Variants in WDPCP observed in about 807,000 individuals in gnomAD.
WDPCP encodes the protein WD repeat-containing and planar cell polarity effector protein fritz homolog.
A neutral mutation model predicts 93.1 loss-of-function variants in WDPCP; 71 were observed. The ratio of observed to expected loss-of-function variants is 0.76; its 90% confidence interval spans 0.63 to 0.93. WDPCP has a LOEUF of 0.93. WDPCP is among the 40% of genes least tolerant of loss of function. The pLI is 0.00. For synonymous variants in WDPCP, 315 were observed against 315.0 expected (o/e 1.00, Z 0.00); for missense variants, 844 against 887.4 (o/e 0.95, Z 0.62).
intron 2 of WDPCP, among the ~76,000 whole-genome samples, chr2:63,776,272 A>G (rs1183625375): frequency 6.6e-6 from 1 of 152,114 alleles, no homozygotes; most frequent in African/African-American, 2.4e-5. Context: ...TATCCAGAAT[A>G]CATGAAGAAC....
intron 12 of WDPCP, among the ~76,000 whole-genome samples, chr2:63,318,792 GA>G (rs1346748355): frequency 6.6e-6 from 1 of 152,040 alleles, no homozygotes; most frequent in Non-Finnish European, 1.5e-5. Flanking sequence ...AGGGTGAATT[GA>G]AAAAGTACCT....
At chr2:63,422,244 C>T (rs1575389465) in intron 9 of WDPCP, among the ~76,000 whole-genome samples, 1 of 152,160 alleles carries the variant, frequency 6.6e-6, no homozygotes, top group East Asian at 1.9e-4. Flanking sequence ...AGAGAAGCTA[C>T]CCAAGACTGC....
chr2:63,613,981 A>G (rs1400547923), intron 3 of WDPCP, among the ~76,000 whole-genome samples: 1 of 152,180 alleles, frequency 6.6e-6, no homozygotes, highest in Non-Finnish European at 1.5e-5. Flanking sequence ...CTTTTTATTC[A>G]TTTTTCTGAG....
chr2:63,757,905 A>G (rs904252646), intron 2 of WDPCP, among the ~76,000 whole-genome samples: 6 of 152,194 alleles, frequency 3.9e-5, no homozygotes, highest in Non-Finnish European at 7.3e-5. Context: ...TGAGTTCTGA[A>G]TGTAGAGTGA....
Position 63,263,941 on chromosome 2 carries a change from C to T in WDPCP, c.1813-4532G>A, listed in dbSNP as rs570307670. 4.6e-5 allele frequency among the ~76,000 whole-genome samples: 7 copies of T among 152,254 alleles called. No homozygotes were observed. The South Asian group carries it at 1.0e-3, about 23-fold the overall frequency. ...TAACTATGCAATGTTTACTATGTGC[C>T]AGATACAGAGATGAATTTTCCATGA... is the stretch of plus-strand genomic sequence containing the variant. On this transcript the variant is annotated intron_variant, in intron 13 of 17. Coordinates refer to ENST00000272321, the MANE Select transcript of WDPCP (RefSeq NM_015910.7).
intron 1 of WDPCP, chr2:63,571,650 G>C (rs1273809711): frequency 2.1e-6 from 1 of 469,724 alleles, no homozygotes; most frequent in Admixed American, 2.4e-5. Flanking sequence ...AGTTCAATAT[G>C]ACCTACTCCA....
chr2:63,436,621 A>G (rs1697151549), intron 8 of WDPCP, among the ~76,000 whole-genome samples: 2 of 152,084 alleles, frequency 1.3e-5, no homozygotes, highest in African/African-American at 4.8e-5. Flanking sequence ...GAAGCTGTAT[A>G]TCAGCTCTGT....
intron 14 of WDPCP, among the ~76,000 whole-genome samples, chr2:63,231,389 T>C (rs544326363): frequency 1.9e-4 from 29 of 152,270 alleles, no homozygotes; most frequent in Non-Finnish European, 4.0e-4. Context: ...GAAGTCAAAT[T>C]GTCCCTGTTT....
intron 3 of WDPCP, among the ~76,000 whole-genome samples, chr2:63,620,329 TG>T (rs917828290): frequency 2.0e-5 from 3 of 152,124 alleles, no homozygotes; most frequent in Non-Finnish European, 4.4e-5. Context: ...TGCTCAAGCT[TG>T]GTAGGGGGAG....
At chr2:63,264,157 G>T (rs1208345891) in intron 13 of WDPCP, among the ~76,000 whole-genome samples, 1 of 152,192 alleles carries the variant, frequency 6.6e-6, no homozygotes, top group Non-Finnish European at 1.5e-5. Context: ...CAGACTAGTG[G>T]ACTATGTTAC....
At chr2:63,430,602 G>A (rs916066455) in intron 9 of WDPCP, among the ~76,000 whole-genome samples, 16 of 151,962 alleles carry the variant, frequency 1.1e-4, no homozygotes, top group Admixed American at 9.2e-4. Flanking sequence ...TGGACTGTTG[G>A]GCTGGGCGTG....
At chr2:63,128,688 G>A (rs1467072298) in intron 17 of WDPCP, among the ~76,000 whole-genome samples, 1 of 152,028 alleles carries the variant, frequency 6.6e-6, no homozygotes, top group Non-Finnish European at 1.5e-5. Flanking sequence ...ACTTATTTGA[G>A]ATGGAATTTT....
At chr2:63,446,653 C>A (rs1368474614) in intron 6 of WDPCP, among the ~76,000 whole-genome samples, 1 of 152,184 alleles carries the variant, frequency 6.6e-6, no homozygotes, top group Non-Finnish European at 1.5e-5. Flanking sequence ...GTGGGCAGTG[C>A]ACAGTCCAGA....
intron 1 of WDPCP, among the ~76,000 whole-genome samples, chr2:63,505,350 T>C (rs1279021703): frequency 6.6e-6 from 1 of 152,018 alleles, no homozygotes; most frequent in Non-Finnish European, 1.5e-5. Context: ...AGCCTGTGAA[T>C]AAACCACCAA....
At chr2:63,590,113 G>C (rs977190319), upstream of WDPCP, 1 of 152,194 alleles carries the variant, frequency 6.6e-6, no homozygotes, top group African/African-American at 2.4e-5. Context: ...TTTCCTAAAT[G>C]TTTTGTCACA....
chr2:63,222,409 A>G (rs1436110186), intron 14 of WDPCP, among the ~76,000 whole-genome samples: 4 of 152,300 alleles, frequency 2.6e-5, no homozygotes, highest in Admixed American at 6.5e-5. Flanking sequence ...GTGGCCATAG[A>G]TCAGGAATGT....
intron 13 of WDPCP, among the ~76,000 whole-genome samples, chr2:63,270,627 C>A (rs1682561121): frequency 6.6e-6 from 1 of 152,062 alleles, no homozygotes; most frequent in South Asian, 2.1e-4. Flanking sequence ...TGACAGGGAA[C>A]CTCTGAGACA....
intron 14 of WDPCP, among the ~76,000 whole-genome samples, chr2:63,249,758 G>A (rs1394117240): frequency 6.6e-6 from 1 of 152,146 alleles, no homozygotes; most frequent in Non-Finnish European, 1.5e-5. Flanking sequence ...CTTTATCCAT[G>A]GGGTATATGT....
chr2:63,129,931 A>G (rs1285469021), intron 17 of WDPCP, among the ~76,000 whole-genome samples: 3 of 152,186 alleles, frequency 2.0e-5, no homozygotes, highest in Non-Finnish European at 2.9e-5. Context: ...AATTTACAAG[A>G]AAAAAAGTCT....
Sources: gnomAD v4.1 joint callset for allele counts (sites outside exome capture counted in the v4.1 genomes callset) on GRCh38, gnomAD v4.1.1 for gene constraint, MANE v1.5 for transcripts, NCBI Gene and HGNC (gene_info 2026-07-23, HGNC 2026-07-21) for gene names.